ETNK1: variants seen among roughly 807,000 people sequenced by gnomAD.
ETNK1 encodes putative protein product of Nbla10396.
A neutral mutation model predicts 45.1 loss-of-function variants in ETNK1; 8 were observed. The observed-to-expected ratio is 0.18, with a 90% CI of 0.10 to 0.32. The LOEUF (loss-of-function observed/expected upper bound fraction) is 0.32, where lower values mean the gene tolerates loss of function less well. Among genes scored for constraint, ETNK1 ranks in the 10% least tolerant of loss-of-function variants. The pLI, the probability that ETNK1 is intolerant of heterozygous loss-of-function variation, is 1.00. For synonymous variants in ETNK1, 152 were observed against 151.9 expected, an observed-to-expected ratio of 1.00 and a Z score of -0.01; for missense variants, 302 against 430.6, an observed-to-expected ratio of 0.70 and a Z score of 2.64.
rs1467934612 is a variant in ETNK1, at chr12:22,687,068, A to G, written c.*2114A>G. ...TTGTAGGTTTTTTGGAGAGATTCAT[A>G]GGGAAGTGAATGTAACCAGGAATAA... On this transcript the variant is annotated 3_prime_UTR_variant, in exon 8 of 8. Coordinates refer to ENST00000266517, the MANE Select transcript of ETNK1 (RefSeq NM_018638.5). 6.6e-6 allele frequency: 1 copy of G among 151,626 alleles called. No homozygotes were observed. Among genetic ancestry groups the G allele is most frequent in the East Asian group, 1.9e-4 (1 of 5,190 alleles). The allele number at this position is 151,626 out of a possible 1,614,324, so 9.4% of individuals were successfully genotyped here. A position where few individuals can be genotyped will look rare whatever the true frequency, so the allele number is the denominator to read the frequency against.
chr12:22,650,795 A>G (rs182928313), intron 2 of ETNK1, among the ~76,000 whole-genome samples: 2 of 152,178 alleles, frequency 1.3e-5, no homozygotes, highest in African/African-American at 4.8e-5. Context: ...ATTTGCTAGC[A>G]GAAAACAATT....
At chr12:22,644,131 G>T in intron 2 of ETNK1, 109 bp downstream of exon 2, 1 of 1,489,558 alleles carries the variant, frequency 6.7e-7, no homozygotes, top group South Asian at 1.3e-5. Flanking sequence ...GGTTAACTTA[G>T]AAACTTTCTT....
intron 1 of ETNK1, 32 bp downstream of exon 1, chr12:22,625,618 A>T: frequency 3.2e-6 from 5 of 1,542,178 alleles, no homozygotes; most frequent in Non-Finnish European, 4.4e-6. Flanking sequence ...TGGGTCTCTT[A>T]TGCCCCTCAC....
At chr12:22,662,647 C>T (rs1954017180) in intron 4 of ETNK1, among the ~76,000 whole-genome samples, 1 of 152,120 alleles carries the variant, frequency 6.6e-6, no homozygotes, top group South Asian at 2.1e-4. Flanking sequence ...ATCCTCCTGC[C>T]TTGGCCTCCT....
chr12:22,663,375 ATC>A (rs1308735662), intron 4 of ETNK1, among the ~76,000 whole-genome samples: 1 of 152,196 alleles, frequency 6.6e-6, no homozygotes, highest in African/African-American at 2.4e-5. Context: ...ATCAAAGAGA[ATC>A]TGTTATTTCC....
intron 2 of ETNK1, among the ~76,000 whole-genome samples, chr12:22,654,499 A>G (rs2137548252): frequency 6.6e-6 from 1 of 152,334 alleles, no homozygotes; most frequent in Non-Finnish European, 1.5e-5. Flanking sequence ...CCACCTGACA[A>G]TAAACCTAAT....
intron 1 of ETNK1, among the ~76,000 whole-genome samples, chr12:22,640,671 C>T (rs1226374504): frequency 6.6e-6 from 1 of 152,066 alleles, no homozygotes; most frequent in Non-Finnish European, 1.5e-5. Context: ...ACTTACTAAT[C>T]TTCAGAACAA....
chr12:22,661,194 A>G lies in ETNK1; in HGVS notation c.689A>G (p.Asn230Ser), dbSNP rs770992839. 6.2e-6 allele frequency: 10 copies of G among 1,602,654 alleles called. No individual in the cohort carries two copies. Among genetic ancestry groups the G allele is most frequent in the South Asian group, 3.4e-5 (3 of 87,866 alleles). ...NDLLCKNIIY[N>S]EKQGDVQFID... ...CTATTGTGTAAGAATATAATCTACA[A>G]TGAGAAACAAGGTAGGTATTTGACC... Residue 230 changes from asparagine (N) to serine (S), a missense_variant, in exon 4 of 8, where the codon AAT becomes AGT. Physicochemically the swap from Asn to Ser is conservative, Grantham distance 46 (BLOSUM62 1). Around this residue, in one of 3 missense-constraint regions of ETNK1, gnomAD observed 94 missense variants for 152.9 expected, o/e 0.61. Transcript: ENST00000266517.
chr12:22,645,609 A>T (rs915695982), intron 2 of ETNK1, among the ~76,000 whole-genome samples: 16 of 151,732 alleles, frequency 1.1e-4, no homozygotes, highest in African/African-American at 3.9e-4. Context: ...ATAGTTGTAC[A>T]TATTTTTGTG....
At chr12:22,655,709 T>A (rs1953932394) in intron 2 of ETNK1, among the ~76,000 whole-genome samples, 1 of 150,734 alleles carries the variant, frequency 6.6e-6, no homozygotes, top group Admixed American at 6.6e-5. Flanking sequence ...TTTAAATAGA[T>A]CAAATTTTTT....
At chr12:22,659,325 C>A (rs1185868299) in intron 3 of ETNK1, among the ~76,000 whole-genome samples, 171 bp downstream of exon 3, 1 of 152,166 alleles carries the variant, frequency 6.6e-6, no homozygotes, top group African/African-American at 2.4e-5. Context: ...AAATAACTGC[C>A]TCTCCATCCC....
chr12:22,679,131 A>G (rs1014465819), intron 6 of ETNK1, among the ~76,000 whole-genome samples: 8 of 152,204 alleles, frequency 5.3e-5, no homozygotes, highest in South Asian at 2.1e-4. Flanking sequence ...GTCTCACAGT[A>G]GGCCGTCTGC....
intron 2 of ETNK1, among the ~76,000 whole-genome samples, chr12:22,647,977 A>C (rs1953828117): frequency 6.6e-6 from 1 of 151,994 alleles, no homozygotes; most frequent in Admixed American, 6.6e-5. Flanking sequence ...ATGATTTTTA[A>C]TTACCTTCTT....
intron 4 of ETNK1, among the ~76,000 whole-genome samples, chr12:22,665,174 T>C (rs16925259): frequency 0.071 from 10,861 of 152,192 alleles, 532 homozygotes; most frequent in South Asian, 0.14. Flanking sequence ...TAAGTAGTAT[T>C]AGACATATCG....
Position 22,684,567 on chromosome 12 carries a change from T to G in ETNK1, c.1019+11T>G. On this transcript the variant is annotated intron_variant, in intron 7 of 7. Coordinates refer to ENST00000266517, the MANE Select transcript of ETNK1 (RefSeq NM_018638.5). Reference sequence around the variant, plus strand: ...GTTTGATTTCCTTGGGTAAGTTAAATTTTATTATATGATTACATTGGTCTC... The same window carrying G: ...GTTTGATTTCCTTGGGTAAGTTAAAGTTTATTATATGATTACATTGGTCTC... 1.3e-6 allele frequency: 2 copies of G among 1,535,772 alleles called. No individual in the cohort carries two copies. The highest frequency in any genetic ancestry group is 9.0e-7 in the Non-Finnish European group (1 of 1,112,442).
chr12:22,673,581 A>G lies in ETNK1; in HGVS notation c.866A>G (p.Lys289Arg). The change falls in exon 6 of 8, where the codon AAA becomes AGA. Residue 289 changes from lysine (K) to arginine (R), a missense_variant. Transcript: ENST00000266517. ...CTGCGTGCTTACCTTGAAGCCTACA[A>G]AGAATTTAAGGGCTTTGGGACTGAA... ...QWLRAYLEAY[K>R]EFKGFGTEVT... 4 of 1,613,958 alleles carry G rather than the reference A, an allele frequency of 2.5e-6. No individual in the cohort carries two copies. Among genetic ancestry groups the G allele is most frequent in the Non-Finnish European group, 3.4e-6 (4 of 1,179,890 alleles).
intron 1 of ETNK1, among the ~76,000 whole-genome samples, chr12:22,634,525 C>CAA (rs1261287131): frequency 6.6e-6 from 1 of 152,054 alleles, no homozygotes; most frequent in Non-Finnish European, 1.5e-5. Context: ...ATTTCTTTAT[C>CAA]ATTTGTGTTG....
At chr12:22,657,649 T>A (rs1390075504) in intron 2 of ETNK1, among the ~76,000 whole-genome samples, 4 of 151,724 alleles carry the variant, frequency 2.6e-5, no homozygotes, top group African/African-American at 9.8e-5. Flanking sequence ...TTCAATAAAA[T>A]TAGGATTAAG....
At chr12:22,666,460 A>G (rs1052333109) in intron 4 of ETNK1, among the ~76,000 whole-genome samples, 2 of 152,150 alleles carry the variant, frequency 1.3e-5, no homozygotes, top group Non-Finnish European at 2.9e-5. Context: ...CTAATATTTT[A>G]ATTTCAACTA....
Sources: gnomAD v4.1 joint callset for allele counts (sites outside exome capture counted in the v4.1 genomes callset) on GRCh38, gnomAD v4.1.1 for gene constraint, gnomAD v4.1.1 regional missense constraint, MANE v1.5 for transcripts, NCBI Gene and HGNC (gene_info 2026-07-23, HGNC 2026-07-21) for gene names.